SDK1: variants seen among roughly 807,000 people sequenced by gnomAD.
The protein encoded by SDK1 is protein sidekick-1.
A neutral mutation model predicts 245.5 loss-of-function variants in SDK1; 157 were observed. The observed-to-expected ratio is 0.64, with a 90% CI of 0.56 to 0.73. SDK1 has a LOEUF of 0.73. Among genes scored for constraint, SDK1 ranks in the 30% least tolerant of loss-of-function variants. The probability of loss-of-function intolerance (pLI) is 0.00; values close to 1 mark genes in which losing one functional copy is unlikely to be tolerated. For synonymous variants in SDK1, 1,647 were observed against 1,278.5 expected, an observed-to-expected ratio of 1.29 and a Z score of -6.15; for missense variants, 3,583 against 3,002.3, an observed-to-expected ratio of 1.19 and a Z score of -4.52.
At chr7:3,315,233 G>A (rs73288340) in intron 1 of SDK1, among the ~76,000 whole-genome samples, 1,621 of 152,314 alleles carry the variant, frequency 0.011, 32 homozygotes, top group African/African-American at 0.037. Context: ...AGAGTTCTTT[G>A]TAGAGTGTAC....
At chr7:4,144,769 C>T (rs1779839415) in intron 28 of SDK1, among the ~76,000 whole-genome samples, 1 of 152,158 alleles carries the variant, frequency 6.6e-6, no homozygotes, top group African/African-American at 2.4e-5. Context: ...GTGCAGAGGC[C>T]ACTCCACGAA....
chr7:3,699,365 C>A (rs537247849), intron 4 of SDK1, among the ~76,000 whole-genome samples: 3 of 151,962 alleles, frequency 2.0e-5, no homozygotes, highest in Non-Finnish European at 2.9e-5. Flanking sequence ...TGAGGAATTA[C>A]AAACATGCTG....
intron 1 of SDK1, among the ~76,000 whole-genome samples, chr7:3,450,883 C>T (rs1687805322): frequency 6.6e-6 from 1 of 152,170 alleles, no homozygotes; most frequent in South Asian, 2.1e-4. Flanking sequence ...GAAGGAATGG[C>T]AGGAGACATA....
intron 1 of SDK1, among the ~76,000 whole-genome samples, chr7:3,440,169 C>T (rs769798755): frequency 6.6e-6 from 1 of 152,078 alleles, no homozygotes; most frequent in South Asian, 2.1e-4. Context: ...GATGGAATCT[C>T]GCACCATCCC....
chr7:4,221,129 G>A, intron 39 of SDK1, 110 bp from the exon 40 acceptor site: 1 of 1,342,242 alleles, frequency 7.5e-7, no homozygotes, highest in Non-Finnish European at 1.0e-6. Context: ...AACCTGCCCA[G>A]ACACTCTGCA....
chr7:3,563,738 G>C (rs1002620595), intron 1 of SDK1, among the ~76,000 whole-genome samples: 5 of 152,118 alleles, frequency 3.3e-5, no homozygotes, highest in African/African-American at 1.2e-4. Flanking sequence ...GCATACTTGA[G>C]ACAATGTGTA....
chr7:4,084,319 C>T (rs2128180770), intron 22 of SDK1, among the ~76,000 whole-genome samples: 1 of 152,192 alleles, frequency 6.6e-6, no homozygotes, highest in East Asian at 1.9e-4. Context: ...TAGGTTCTTA[C>T]CTGTTCAGTG....
At chr7:3,693,323 G>A (rs1022091042) in intron 4 of SDK1, among the ~76,000 whole-genome samples, 1 of 151,714 alleles carries the variant, frequency 6.6e-6, no homozygotes, top group African/African-American at 2.4e-5. Context: ...AATCCCTCTC[G>A]TTATTTGGTT....
intron 1 of SDK1, among the ~76,000 whole-genome samples, chr7:3,379,206 A>G (rs775987899): frequency 3.9e-5 from 6 of 152,188 alleles, no homozygotes; most frequent in Non-Finnish European, 7.3e-5. Context: ...TGTGCTGGGC[A>G]TTAGAAAATA....
rs977520683 is a variant in SDK1, at chr7:3,974,320, T to C, written c.1818-49T>C. The C allele has an allele frequency of 5.9e-6, 9 of 1,518,042 alleles. No individual in the cohort carries two copies. The African/African-American group carries it at 9.6e-5, about 16-fold the overall frequency. 94.0% of individuals were successfully genotyped at this position (1,518,042 alleles called of 1,614,324 possible). Reference sequence around the variant, plus strand: ...TTAAGAGACAGGGAAGGAGCAGTGATTCTGTCACTGTGGGGTTTGTAACTC... The same window carrying C: ...TTAAGAGACAGGGAAGGAGCAGTGACTCTGTCACTGTGGGGTTTGTAACTC... On this transcript the variant is annotated intron_variant, in intron 12 of 44. Coordinates refer to ENST00000404826, the MANE Select transcript of SDK1 (RefSeq NM_152744.4).
intron 1 of SDK1, among the ~76,000 whole-genome samples, chr7:3,587,256 A>G (rs1000271834): frequency 6.6e-6 from 1 of 152,174 alleles, no homozygotes; most frequent in Non-Finnish European, 1.5e-5. Context: ...GAGATTTTAA[A>G]CATTTGCTGT....
At chr7:4,008,757 T>C (rs1306758616) in intron 14 of SDK1, among the ~76,000 whole-genome samples, 1 of 152,098 alleles carries the variant, frequency 6.6e-6, no homozygotes, top group African/African-American at 2.4e-5. Context: ...TACTATAAAT[T>C]AAAGAATAAA....
intron 4 of SDK1, among the ~76,000 whole-genome samples, chr7:3,679,062 G>A (rs1157896210): frequency 3.3e-5 from 5 of 152,144 alleles, no homozygotes; most frequent in Admixed American, 3.3e-4. Context: ...TTTAGCTATG[G>A]CACCAAAAAC....
At chr7:3,672,682 TAAATA>T (rs1783742525) in intron 4 of SDK1, among the ~76,000 whole-genome samples, 1 of 136,208 alleles carries the variant, frequency 7.3e-6, no homozygotes, top group South Asian at 2.2e-4. Flanking sequence ...AATTTGTTAT[TAAATA>T]AAATTTATAT....
intron 5 of SDK1, among the ~76,000 whole-genome samples, chr7:3,939,880 A>C (rs956231244): frequency 3.9e-5 from 6 of 152,236 alleles, no homozygotes; most frequent in Non-Finnish European, 8.8e-5. Flanking sequence ...GTCTTCACGT[A>C]GTCCCAAAGG....
chr7:4,139,719 G>GTGTGTGTGTA (rs1562872937), intron 28 of SDK1, among the ~76,000 whole-genome samples: 1 of 18,816 alleles, frequency 5.3e-5, no homozygotes, highest in African/African-American at 1.4e-4. Context: ...GTGTGTGTGT[G>GTGTGTGTGTA]TATGTGTGTG....
At chr7:4,226,066 C>T (rs114644683) in intron 40 of SDK1, among the ~76,000 whole-genome samples, 1,601 of 152,270 alleles carry the variant, frequency 0.011, 26 homozygotes, top group African/African-American at 0.037. Flanking sequence ...CTTGCTGGTA[C>T]CTGAGGGCTT....
At chr7:3,490,557 C>G (rs977904018) in intron 1 of SDK1, among the ~76,000 whole-genome samples, 1 of 152,278 alleles carries the variant, frequency 6.6e-6, no homozygotes, top group East Asian at 1.9e-4. Context: ...CAAGAACTTA[C>G]CATATAGAAT....
At chr7:3,785,516 G>C (rs1029349236) in intron 4 of SDK1, among the ~76,000 whole-genome samples, 1 of 152,146 alleles carries the variant, frequency 6.6e-6, no homozygotes, top group African/African-American at 2.4e-5. Flanking sequence ...ATTTTAAAAA[G>C]TGGAGGCTGG....
Sources: gnomAD v4.1 joint callset for allele counts (sites outside exome capture counted in the v4.1 genomes callset) on GRCh38, gnomAD v4.1.1 for gene constraint, MANE v1.5 for transcripts, NCBI Gene and HGNC (gene_info 2026-07-23, HGNC 2026-07-21) for gene names.